DNAH2: variants seen among roughly 807,000 people sequenced by gnomAD.
The protein encoded by DNAH2 is dynein axonemal heavy chain 2, also known as axonemal beta dynein heavy chain 2.
In DNAH2, 323 loss-of-function variants were observed where a neutral mutation model predicts 523.5. The observed-to-expected ratio is 0.62, with a 90% CI of 0.56 to 0.68. The LOEUF (loss-of-function observed/expected upper bound fraction) is 0.68, where lower values mean the gene tolerates loss of function less well. DNAH2 is among the 30% of genes least tolerant of loss of function. The probability of loss-of-function intolerance (pLI) is 0.00; values close to 1 mark genes in which losing one functional copy is unlikely to be tolerated. For synonymous variants in DNAH2, 2,093 were observed against 2,177.4 expected (o/e 0.96, Z 1.08); for missense variants, 4,907 against 5,701.5 (o/e 0.86, Z 4.49).
Position 7,749,308 on chromosome 17 carries a change from C to CAA in DNAH2, c.1904+6205_1904+6206dup, listed in dbSNP as rs57660603. ...GGGCAACAAGAGCTAAACTCCCCCC[C>CAA]AAAAAAAAAAAAAAAAAAAAAAAAA... On this transcript the variant is annotated intron_variant, in intron 12 of 85. Coordinates refer to ENST00000572933, the MANE Select transcript of DNAH2 (RefSeq NM_020877.5). Among the ~76,000 whole-genome samples the CAA allele has an allele frequency of 2.5e-3, 44 of 17,762 alleles. 4 individuals carry two copies. Among genetic ancestry groups the CAA allele is most frequent in the South Asian group, 2.7e-3 (1 of 364 alleles). The allele number at this position is 17,762 out of a possible 152,430, so 11.7% of individuals were successfully genotyped here. A position where few individuals can be genotyped will look rare whatever the true frequency, so the allele number is the denominator to read the frequency against.
At chr17:7,817,531 A>G (rs772601960) in intron 65 of DNAH2, 30 bp from the exon 66 acceptor site, 1 of 1,613,832 alleles carries the variant, frequency 6.2e-7, no homozygotes, top group Non-Finnish European at 8.5e-7. Flanking sequence ...CAGCTCTTCA[A>G]GTTAAAGCAT....
chr17:7,813,190 G>A (rs997561164), intron 63 of DNAH2, among the ~76,000 whole-genome samples: 1 of 151,860 alleles, frequency 6.6e-6, no homozygotes, highest in Admixed American at 6.6e-5. Flanking sequence ...TTAAAGGAAC[G>A]AGAAATAGCA....
At chr17:7,776,002 C>G (rs377313680) in intron 30 of DNAH2, 22 bp from the exon 31 acceptor site, 2 of 1,613,058 alleles carry the variant, frequency 1.2e-6, no homozygotes, top group Admixed American at 3.3e-5. Flanking sequence ...CTGAGCTGCC[C>G]TATTCTCCCA....
At chr17:7,830,868 G>T (rs1325516613) in intron 79 of DNAH2, 26 bp downstream of exon 79, 1 of 1,612,782 alleles carries the variant, frequency 6.2e-7, no homozygotes, top group South Asian at 1.1e-5. Flanking sequence ...CCCTGGACAG[G>T]GAGCCAGAGG....
In DNAH2 at chr17:7,759,415, C is replaced by T. The variant is rs762869175; in HGVS notation, c.2449-7C>T. 10 of 1,604,796 alleles carry T rather than the reference C, an allele frequency of 6.2e-6. No individual in the cohort carries two copies. The Middle Eastern group carries it at 5.0e-4, about 80-fold the overall frequency. ...AAGTTCTCTTTTTCCTCCCTCCATC[C>T]CATCAGATTCAGCAGCAGTGGATGC... is the stretch of plus-strand genomic sequence containing the variant. On this transcript the variant is annotated splice_polypyrimidine_tract_variant and splice_region_variant and intron_variant, in intron 15 of 85. Coordinates refer to ENST00000572933, the MANE Select transcript of DNAH2 (RefSeq NM_020877.5).
At position 7,824,622 on chromosome 17, in the gene DNAH2, G is replaced by C. The variant is rs1337547193; in HGVS notation, c.11748G>C (p.Glu3916Asp). The stretch of plus-strand genomic sequence containing the variant: ...AGCTGGTGGAGCAGCTGCAGGTGGA[G>C]GATCCTCATCCATCCTTCCGCCTCT... Reference protein sequence around the residue: ...LDKLVEQLQVEDPHPSFRLWL... With the variant: ...LDKLVEQLQVDDPHPSFRLWL... Residue 3916 changes from glutamate (E) to aspartate (D), a missense_variant, in exon 77 of 86, where the codon GAG becomes GAC. Glu to Asp is a conservative substitution (Grantham distance 45). Coordinates refer to ENST00000572933, the MANE Select transcript of DNAH2 (RefSeq NM_020877.5). 6.2e-7 allele frequency: 1 copy of C among 1,608,858 alleles called. No homozygotes were observed. Among genetic ancestry groups the C allele is most frequent in the Non-Finnish European group, 8.5e-7 (1 of 1,176,544 alleles).
chr17:7,804,534 A>G lies in DNAH2; in HGVS notation c.9183+68A>G, dbSNP rs1597719336. 4 of 1,536,080 alleles carry G rather than the reference A, an allele frequency of 2.6e-6. No individual in the cohort carries two copies. In the East Asian group the frequency reaches 9.3e-5, roughly 36 times the overall value. ...TGCCGGCTACTGCGTCAGGGAACCCATGTTCCCCCCTTCTTAAATTTTCTT... is the reference window on the plus strand; with the variant it reads ...TGCCGGCTACTGCGTCAGGGAACCCGTGTTCCCCCCTTCTTAAATTTTCTT... On this transcript the variant is annotated intron_variant, in intron 59 of 85. Coordinates refer to ENST00000572933, the MANE Select transcript of DNAH2 (RefSeq NM_020877.5).
intron 11 of DNAH2, among the ~76,000 whole-genome samples, chr17:7,741,294 CTTCCT>C (rs2075327115): frequency 3.9e-5 from 2 of 51,202 alleles, no homozygotes; most frequent in African/African-American, 1.1e-4. Context: ...TTCTTTCTTT[CTTCCT>C]TCCTTCCCTC....
At chr17:7,718,923 ATGAT>A (rs1374741572) in intron 1 of DNAH2, 124 bp downstream of exon 1, 1 of 152,742 alleles carries the variant, frequency 6.5e-6, no homozygotes, top group East Asian at 1.9e-4. Flanking sequence ...GTTTGCTTGA[ATGAT>A]TGAACAGTGA....
chr17:7,828,213 C>T lies in DNAH2; in HGVS notation c.11854-2087C>T, dbSNP rs1019140777. Among the ~76,000 whole-genome samples the T allele has an allele frequency of 1.3e-5, 2 of 152,136 alleles. No homozygotes were observed. Among genetic ancestry groups the T allele is most frequent in the South Asian group, 2.1e-4 (1 of 4,832 alleles). On this transcript the variant is annotated intron_variant, in intron 77 of 85. Transcript: ENST00000572933. This position sits in a 1 kb window ranked among gnomAD's most constrained non-coding sequence, Gnocchi z 4.1. ...GGATTACAGGTGTAACCCACAGTGC[C>T]ATGCTGATATACTTTAGTCTTAATT...
At chr17:7,782,503 A>T (rs2076628389) in intron 39 of DNAH2, among the ~76,000 whole-genome samples, 1 of 152,214 alleles carries the variant, frequency 6.6e-6, no homozygotes, top group South Asian at 2.1e-4. Flanking sequence ...TTTCTGGAGG[A>T]ATGAAATTTC....
chr17:7,830,660 G>A lies in DNAH2; in HGVS notation c.12048G>A (p.Val4016=). The change falls in exon 79 of 86, where the codon GTG becomes GTA. Residue 4016 remains valine, a splice_region_variant and synonymous_variant. Transcript: ENST00000572933. ...GCTTGGGCTGGGATCATGCCTAGGT[G>A]TCAGAAAACTTGCTGAGCCTCTATC... ...IYGFNDSDFE[V]SENLLSLYLD... The A allele has an allele frequency of 6.2e-7, 1 of 1,614,126 alleles. No individual in the cohort carries two copies. The highest frequency in any genetic ancestry group is 2.2e-5 in the East Asian group (1 of 44,882).
At chr17:7,775,881 A>G in intron 30 of DNAH2, 143 bp from the exon 31 acceptor site, 1 of 1,126,464 alleles carries the variant, frequency 8.9e-7, no homozygotes, top group Non-Finnish European at 1.2e-6. Context: ...CATTTCTCTC[A>G]GGAACGCAAG....
rs1255055388 is a variant in DNAH2, at chr17:7,779,225, C to G, written c.5542-18C>G. ...GGGGCACCTCTCGCTCCCAGTGACT[C>G]TGCCTTGCACCCCGCAGACTGGAGC... On this transcript the variant is annotated intron_variant, in intron 35 of 85. Transcript: ENST00000572933. 6.2e-7 allele frequency: 1 copy of G among 1,610,200 alleles called. No individual in the cohort carries two copies. The highest frequency in any genetic ancestry group is 2.2e-5 in the East Asian group (1 of 44,778).
At chr17:7,723,811 C>A in intron 3 of DNAH2, 122 bp downstream of exon 3, 1 of 865,104 alleles carries the variant, frequency 1.2e-6, no homozygotes, top group Non-Finnish European at 1.9e-6. Context: ...TTGCTCTCTG[C>A]TGTTAGCCTA....
chr17:7,741,420 C>T (rs1376647849), intron 11 of DNAH2, among the ~76,000 whole-genome samples: 4 of 146,036 alleles, frequency 2.7e-5, no homozygotes, highest in South Asian at 4.4e-4. Context: ...TGCAATGGCT[C>T]GATCTCAGCT....
intron 61 of DNAH2, among the ~76,000 whole-genome samples, chr17:7,806,915 T>G (rs2077382278): frequency 1.3e-5 from 2 of 151,926 alleles, no homozygotes; most frequent in African/African-American, 4.8e-5. Context: ...TGGCTGAGTG[T>G]TCAAGGTAAG....
In DNAH2 at chr17:7,786,600, C is replaced by G. The variant is rs1942121199; in HGVS notation, c.6379C>G (p.Leu2127Val). The G allele has an allele frequency of 1.2e-6, 2 of 1,614,026 alleles. No homozygotes were observed. Among genetic ancestry groups the G allele is most frequent in the Non-Finnish European group, 1.7e-6 (2 of 1,180,030 alleles). ...CCCTTTGAACCCCAAGGCATTGTCC[C>G]TAGGGGAACTGTATGGGGAATATGA... ...EFPLNPKALS[L>V]GELYGEYDLS... The change falls in exon 41 of 86, where the codon CTA becomes GTA. Residue 2127 changes from leucine (L) to valine (V), a missense_variant. By Grantham distance (32) the Leu-to-Val change is conservative (BLOSUM62 1). Coordinates refer to ENST00000572933, the MANE Select transcript of DNAH2 (RefSeq NM_020877.5). The surrounding 1 kb of genome is among the most constrained non-coding windows in gnomAD (Gnocchi z 7.5).
Position 7,780,301 on chromosome 17 carries a change from T to C in DNAH2, c.5850+17T>C. 6.2e-7 allele frequency: 1 copy of C among 1,613,454 alleles called. No homozygotes were observed. Among genetic ancestry groups the C allele is most frequent in the Non-Finnish European group, 8.5e-7 (1 of 1,179,806 alleles). On this transcript the variant is annotated intron_variant, in intron 37 of 85. Coordinates refer to ENST00000572933, the MANE Select transcript of DNAH2 (RefSeq NM_020877.5). The surrounding 1 kb of genome is among the most constrained non-coding windows in gnomAD (Gnocchi z 4.4). ...AACTGCAAGGTACTCCAATAACCCC[T>C]TTTCTCCAGTGATTTTAATTTCCTT...
Sources: gnomAD v4.1 joint callset for allele counts (sites outside exome capture counted in the v4.1 genomes callset) on GRCh38, gnomAD v4.1.1 for gene constraint, Gnocchi (gnomAD v3.1) non-coding constraint, MANE v1.5 for transcripts, NCBI Gene and HGNC (gene_info 2026-07-23, HGNC 2026-07-21) for gene names.